NAP1L1: variants seen among roughly 807,000 people sequenced by gnomAD.
NAP1L1 encodes the protein nucleosome assembly protein 1 like 1.
A neutral mutation model predicts 58.9 loss-of-function variants in NAP1L1; 9 were observed. The observed-to-expected ratio is 0.15, with a 90% CI of 0.09 to 0.27. The LOEUF (loss-of-function observed/expected upper bound fraction) is 0.27. NAP1L1 is among the 10% of genes least tolerant of loss of function. The pLI is 1.00. For missense variants in NAP1L1, 302 were observed against 458.8 expected (o/e 0.66, Z 3.12); for synonymous variants, 130 against 138.3 (o/e 0.94, Z 0.42).
In NAP1L1 at chr12:76,068,775, C is replaced by CACACACA; in HGVS notation, c.103+133_103+134insTGTGTGT. 3 of 637,652 alleles carry CACACACA rather than the reference C, an allele frequency of 4.7e-6. No homozygotes were observed. The East Asian group carries it at 8.1e-5, about 17-fold the overall frequency. The allele number at this position is 637,652 out of a possible 1,614,324, so 39.5% of individuals were successfully genotyped here. A position where few individuals can be genotyped will look rare whatever the true frequency, so the allele number is the denominator to read the frequency against. On this transcript the variant is annotated intron_variant, in intron 3 of 14. Transcript: ENST00000618691. ...ACACACACACACACACACACACACA[C>CACACACA]ACACTAGAAGTATGGACCAGTAGAT...
chr12:76,043,519 C>A lies in NAP1L1; in HGVS notation c.*4910G>T, dbSNP rs1045781833. 2 of 151,136 alleles carry A rather than the reference C, an allele frequency of 1.3e-5. No homozygotes were observed. Among genetic ancestry groups the A allele is most frequent in the Non-Finnish European group, 2.9e-5 (2 of 67,942 alleles). 9.4% of individuals were successfully genotyped at this position (151,136 alleles called of 1,614,324 possible). On this transcript the variant is annotated 3_prime_UTR_variant, in exon 15 of 15. Coordinates refer to ENST00000618691, the MANE Select transcript of NAP1L1 (RefSeq NM_004537.7). Reference sequence around the variant, plus strand: ...AAAAATTTCTACATGGAATGGTCATCCTCATCCTCACTTGAAATACTCTTG... The same window carrying A: ...AAAAATTTCTACATGGAATGGTCATACTCATCCTCACTTGAAATACTCTTG...
chr12:76,083,356 A>T (rs115914822), intron 1 of NAP1L1, among the ~76,000 whole-genome samples: 1,714 of 149,636 alleles, frequency 0.011, 39 homozygotes, highest in African/African-American at 0.04. Flanking sequence ...CAAACATTTT[A>T]TTTTCATCTA....
At chr12:76,069,635 T>C (rs564019834) in intron 2 of NAP1L1, among the ~76,000 whole-genome samples, 20 of 152,350 alleles carry the variant, frequency 1.3e-4, no homozygotes, top group African/African-American at 4.8e-4. Context: ...GGATCCCTTA[T>C]GGCTGTGGAG....
chr12:76,051,274 G>C (rs1948812640), intron 11 of NAP1L1, among the ~76,000 whole-genome samples: 1 of 151,374 alleles, frequency 6.6e-6, no homozygotes, highest in Admixed American at 6.6e-5. Flanking sequence ...AAAAGCAACT[G>C]TTACATGTCC....
In NAP1L1 at chr12:76,068,891, A is replaced by G; in HGVS notation, c.103+18T>C. The G allele has an allele frequency of 6.4e-7, 1 of 1,566,996 alleles. No homozygotes were observed. The highest frequency in any genetic ancestry group is 8.8e-7 in the Non-Finnish European group (1 of 1,138,906). On this transcript the variant is annotated intron_variant, in intron 3 of 14. Coordinates refer to ENST00000618691, the MANE Select transcript of NAP1L1 (RefSeq NM_004537.7). Reference sequence around the variant, plus strand: ...TGTGCCAGCAATCACTGGCTCCTGAAGTAATTTAAAGTAATACCTTTGAGT... The same window carrying G: ...TGTGCCAGCAATCACTGGCTCCTGAGGTAATTTAAAGTAATACCTTTGAGT...
At chr12:76,060,321 G>C (rs1949348975) in intron 4 of NAP1L1, 42 bp from the exon 5 acceptor site, 2 of 1,582,950 alleles carry the variant, frequency 1.3e-6, no homozygotes, top group Middle Eastern at 1.7e-4. Flanking sequence ...AGAGTAAAAT[G>C]GAAGTCACAC....
chr12:76,058,008 A>G, intron 6 of NAP1L1: 1 of 809,124 alleles, frequency 1.2e-6, no homozygotes, highest in East Asian at 2.4e-5. Context: ...TGCCTCAGTA[A>G]CAGAGGAGGA....
At position 76,055,055 on chromosome 12, in the gene NAP1L1, A is replaced by G; in HGVS notation, c.594T>C (p.Asp198=). ...CAGCATCTGAGAACTTCACTTTAATATCTTTCAAGTGCTTCAGAATAGGTT... is the reference window on the plus strand; with the variant it reads ...CAGCATCTGAGAACTTCACTTTAATGTCTTTCAAGTGCTTCAGAATAGGTT... The part of the protein sequence containing the change: ...HDEPILKHLK[D]IKVKFSDAGQ... The change falls in exon 8 of 15, where the codon GAT becomes GAC. Residue 198 remains aspartate, a synonymous_variant. Coordinates refer to ENST00000618691, the MANE Select transcript of NAP1L1 (RefSeq NM_004537.7). The G allele has an allele frequency of 1.2e-5, 19 of 1,606,612 alleles. No homozygotes were observed. Among genetic ancestry groups the G allele is most frequent in the East Asian group, 2.2e-5 (1 of 44,714 alleles).
chr12:76,061,433 G>A (rs372199621), intron 4 of NAP1L1, among the ~76,000 whole-genome samples: 10 of 152,098 alleles, frequency 6.6e-5, no homozygotes, highest in South Asian at 2.1e-4. Context: ...CTCTAGCTCC[G>A]TCCACGTTCC....
chr12:76,050,682 A>C (rs897822923), intron 11 of NAP1L1, 29 bp from the exon 12 acceptor site: 4 of 1,590,640 alleles, frequency 2.5e-6, no homozygotes, highest in African/African-American at 1.4e-5. Context: ...AAAAGCAGAA[A>C]ATTTAGGAAT....
At chr12:76,055,156 C>T in intron 7 of NAP1L1, 66 bp from the exon 8 acceptor site, 1 of 1,060,402 alleles carries the variant, frequency 9.4e-7, no homozygotes, top group Non-Finnish European at 1.4e-6. Flanking sequence ...TGTTACTACA[C>T]AAACACCAGC....
chr12:76,052,940 G>T, intron 11 of NAP1L1, 151 bp downstream of exon 11: 1 of 603,910 alleles, frequency 1.7e-6, no homozygotes, highest in East Asian at 3.0e-5. Flanking sequence ...AATTTTGAAT[G>T]GAATTATTTT....
At position 76,047,801 on chromosome 12, in the gene NAP1L1, T is replaced by C. The variant is rs536800975; in HGVS notation, c.*628A>G. ...TTCAGGCTAACTTCTGAAAATCCCG[T>C]TTTATTCACCTCACTGTGGTACCAG... On this transcript the variant is annotated 3_prime_UTR_variant, in exon 15 of 15. Transcript: ENST00000618691. 6.6e-6 allele frequency: 1 copy of C among 152,186 alleles called. No homozygotes were observed. Among genetic ancestry groups the C allele is most frequent in the East Asian group, 1.9e-4 (1 of 5,186 alleles). The allele number at this position is 152,186 out of a possible 1,614,324, so 9.4% of individuals were successfully genotyped here.
At chr12:76,069,029 G>A (rs1949824951) in intron 2 of NAP1L1, 35 bp from the exon 3 acceptor site, 1 of 1,439,266 alleles carries the variant, frequency 6.9e-7, no homozygotes, top group East Asian at 2.3e-5. Context: ...AGGTTCAAAT[G>A]TACCAATTAC....
chr12:76,076,554 ATATATATAT>A, intron 1 of NAP1L1, among the ~76,000 whole-genome samples: 1 of 5,674 alleles, frequency 1.8e-4, no homozygotes, highest in Non-Finnish European at 4.0e-4. Flanking sequence ...ATGGAAATAT[ATATATATAT>A]ATATATATAT....
chr12:76,054,233 T>C (rs1034060410), intron 8 of NAP1L1, among the ~76,000 whole-genome samples: 1 of 152,000 alleles, frequency 6.6e-6, no homozygotes, highest in African/African-American at 2.4e-5. Context: ...TTTCACCACG[T>C]TGGACAGGCT....
intron 4 of NAP1L1, among the ~76,000 whole-genome samples, chr12:76,063,040 T>A (rs1181830057): frequency 6.6e-6 from 1 of 152,168 alleles, no homozygotes; most frequent in Non-Finnish European, 1.5e-5. Context: ...CAAACTATTA[T>A]TCAGATATAA....
At position 76,055,099 on chromosome 12, in the gene NAP1L1, T is replaced by TA. The variant is rs1193872802; in HGVS notation, c.559-10dup. On this transcript the variant is annotated splice_polypyrimidine_tract_variant and intron_variant, in intron 7 of 14. Coordinates refer to ENST00000618691, the MANE Select transcript of NAP1L1 (RefSeq NM_004537.7). ...ATAGGTTCATCGTGTTCCTTCAAAT[T>TA]AAAAAAATAATAAAAATGAATAACA... The TA allele has an allele frequency of 5.1e-6, 8 of 1,571,348 alleles. No homozygotes were observed. Among genetic ancestry groups the TA allele is most frequent in the East Asian group, 2.3e-5 (1 of 44,306 alleles).
rs1253187370 is a variant in NAP1L1, at chr12:76,042,610, A to G, written c.*5819T>C. 1 of 152,250 alleles carries G rather than the reference A, an allele frequency of 6.6e-6. No homozygotes were observed. Among genetic ancestry groups the G allele is most frequent in the Non-Finnish European group, 1.5e-5 (1 of 68,030 alleles). 9.4% of individuals were successfully genotyped at this position (152,250 alleles called of 1,614,324 possible). Reference sequence around the variant, plus strand: ...CACTTATTTGAAAATAATTACAAATACGGACGGCAGTAGCAGTAGGAAAAA... The same window carrying G: ...CACTTATTTGAAAATAATTACAAATGCGGACGGCAGTAGCAGTAGGAAAAA... On this transcript the variant is annotated 3_prime_UTR_variant, in exon 15 of 15. Transcript: ENST00000618691.
Sources: allele counts gnomAD v4.1 joint callset (sites outside exome capture counted in the v4.1 genomes callset), GRCh38; gene constraint gnomAD v4.1.1; transcripts MANE v1.5; gene names NCBI Gene and HGNC (gene_info 2026-07-23, HGNC 2026-07-21).